ZNF568: variants seen among roughly 807,000 people sequenced by gnomAD.
ZNF568 encodes p53 inhibitor of SCO2 activation.
Under a neutral mutation model 18.1 loss-of-function variants are expected in ZNF568, and 11 were observed. The ratio of observed to expected loss-of-function variants is 0.61; its 90% CI spans 0.38 to 1.00. The LOEUF (loss-of-function observed/expected upper bound fraction) is 1.00, where lower values mean the gene tolerates loss of function less well. Ranked by LOEUF, ZNF568 falls within the 50% of genes least tolerant of loss-of-function variation. The pLI, the probability that ZNF568 is intolerant of heterozygous loss-of-function variation, is 0.01. For synonymous variants in ZNF568, 213 were observed against 246.6 expected, an observed-to-expected ratio of 0.86 and a Z score of 1.28; for missense variants, 639 against 768.2, an observed-to-expected ratio of 0.83 and a Z score of 1.99.
intron 6 of ZNF568, among the ~76,000 whole-genome samples, chr19:36,972,734 C>T (rs1426398226): frequency 1.3e-5 from 2 of 152,228 alleles, no homozygotes; most frequent in East Asian, 3.9e-4. Context: ...GCGCGGCTCC[C>T]TGTGGAGGGT....
exon 5 of ZNF568, chr19:36,997,028 C>T (rs763228077): frequency 5.8e-6 from 9 of 1,561,778 alleles, no homozygotes; most frequent in African/African-American, 1.4e-5. Flanking sequence ...AGAATCCATA[C>T]GGGTGAGAAA....
chr19:36,935,659 A>G (rs1381124567), intron 4 of ZNF568, among the ~76,000 whole-genome samples: 2 of 151,892 alleles, frequency 1.3e-5, no homozygotes, highest in African/African-American at 4.8e-5. Context: ...AGGTATTTTA[A>G]GACTGTTAGA....
downstream of ZNF568, chr19:36,997,709 G>A (rs1332933539): frequency 1.2e-6 from 1 of 838,606 alleles, no homozygotes; most frequent in Non-Finnish European, 1.9e-6. Flanking sequence ...TCAGGACAGA[G>A]GAGTGAATGA....
chr19:36,997,473 G>C (rs971606843), downstream of ZNF568: 4 of 1,587,870 alleles, frequency 2.5e-6, no homozygotes, highest in East Asian at 6.8e-5. Flanking sequence ...ATAAGTGTAA[G>C]GAATGTGGGA....
rs1245531553 is a variant in ZNF568 at position 36,925,271 on chromosome 19, C to T, written c.135+13C>T. On this transcript the variant is annotated intron_variant, in intron 4 of 6. Coordinates refer to ENST00000333987, the MANE Select transcript of ZNF568 (RefSeq NM_198539.4). ...AACCAGGCCTCTTGTACGTCTTAAGCATTTATTTGTTTCCTGCATTATTTT... is the reference window on the plus strand; with the variant it reads ...AACCAGGCCTCTTGTACGTCTTAAGTATTTATTTGTTTCCTGCATTATTTT... 1 of 1,612,626 alleles carries T rather than the reference C, an allele frequency of 6.2e-7. No homozygotes were observed. The highest frequency in any genetic ancestry group is 1.1e-5 in the South Asian group (1 of 90,974).
intron 6 of ZNF568, among the ~76,000 whole-genome samples, chr19:36,965,424 C>T (rs934056895): frequency 6.6e-6 from 1 of 152,094 alleles, no homozygotes; most frequent in Admixed American, 6.5e-5. Flanking sequence ...AGTCTTTTCC[C>T]TTGATTTTTG....
At chr19:36,985,870 T>C (rs959231403) in intron 2 of ZNF568, among the ~76,000 whole-genome samples, 5 of 152,150 alleles carry the variant, frequency 3.3e-5, no homozygotes, top group Non-Finnish European at 7.3e-5. Context: ...TCACATAATA[T>C]ATAGTTAACC....
chr19:36,980,627 T>C (rs1387567591), downstream of ZNF568, among the ~76,000 whole-genome samples: 1 of 152,200 alleles, frequency 6.6e-6, no homozygotes, highest in African/African-American at 2.4e-5. Context: ...AAAGCTGTTA[T>C]ATTCACAGTC....
chr19:36,922,114 C>G (rs2073466532), intron 2 of ZNF568, among the ~76,000 whole-genome samples: 1 of 152,188 alleles, frequency 6.6e-6, no homozygotes, highest in South Asian at 2.1e-4. Flanking sequence ...TAAACATTAT[C>G]TCACAATTTC....
chr19:36,929,593 G>A (rs1239661324), intron 4 of ZNF568, among the ~76,000 whole-genome samples: 2 of 151,632 alleles, frequency 1.3e-5, no homozygotes, highest in African/African-American at 4.8e-5. Context: ...GCTGAGGCAG[G>A]AGAATCACTT....
chr19:36,996,957 C>T, exon 5 of ZNF568: 1 of 1,539,204 alleles, frequency 6.5e-7, no homozygotes, highest in East Asian at 2.4e-5. Context: ...ATGAGAAATA[C>T]TATGAAAGTA....
chr19:36,987,498 C>T (rs993639665), intron 2 of ZNF568, among the ~76,000 whole-genome samples: 6 of 152,172 alleles, frequency 3.9e-5, no homozygotes, highest in Non-Finnish European at 7.4e-5. Flanking sequence ...CTCTATTAGG[C>T]TTGAGGGAGG....
chr19:36,972,940 C>A (rs1250885200), intron 6 of ZNF568, among the ~76,000 whole-genome samples: 1 of 152,248 alleles, frequency 6.6e-6, no homozygotes, highest in Non-Finnish European at 1.5e-5. Context: ...CTGAAGCCTC[C>A]ACGGCCCCAC....
At chr19:36,974,103 C>T (rs959967291) in intron 6 of ZNF568, among the ~76,000 whole-genome samples, 1 of 152,120 alleles carries the variant, frequency 6.6e-6, no homozygotes, top group African/African-American at 2.4e-5. Context: ...AGTTTGAGAC[C>T]CTGACAGGTG....
In ZNF568 at chr19:36,950,014, C is replaced by A. The variant is rs1193562700; in HGVS notation, c.861C>A (p.Phe287Leu). Residue 287 changes from phenylalanine (F) to leucine (L), a missense_variant, in exon 7 of 7, where the codon TTC (phenylalanine) becomes TTA (leucine). Transcript: ENST00000333987. ...PYKCNECGKA[F>L]IQMSNLIRHH... ...AGTGTAATGAATGTGGAAAAGCTTT[C>A]ATTCAGATGTCAAACCTTATTAGAC... The A allele has an allele frequency of 6.2e-7, 1 of 1,613,840 alleles. No homozygotes were observed. Among genetic ancestry groups the A allele is most frequent in the Admixed American group, 1.7e-5 (1 of 60,010 alleles).
rs1279210878 is a variant in ZNF568 at position 36,949,847 on chromosome 19, A to G, written c.694A>G (p.Ser232Gly). The stretch of plus-strand genomic sequence containing the variant: ...GTGTAATCAGTGTGGACAAGACTTC[A>G]GTCATAAATTTGACCTCATTAGACA... The part of the protein sequence containing the change: ...FKCNQCGQDF[S>G]HKFDLIRHER... Residue 232 changes from serine (S) to glycine (G), a missense_variant, in exon 7 of 7, where the codon AGT becomes GGT. By Grantham distance (56) the Ser-to-Gly change is moderately conservative. Transcript: ENST00000333987. 1 of 1,614,064 alleles carries G rather than the reference A, an allele frequency of 6.2e-7. No homozygotes were observed. Among genetic ancestry groups the G allele is most frequent in the African/African-American group, 1.3e-5 (1 of 75,064 alleles).
At chr19:36,992,138 G>A (rs1303363864) in intron 4 of ZNF568, among the ~76,000 whole-genome samples, 3 of 151,532 alleles carry the variant, frequency 2.0e-5, no homozygotes, top group African/African-American at 7.3e-5. Context: ...ACCTACTCAG[G>A]AGGCTGAGGC....
At chr19:36,931,786 G>A (rs1166802782) in intron 4 of ZNF568, 6 of 152,148 alleles carry the variant, frequency 3.9e-5, no homozygotes, top group African/African-American at 1.4e-4. Context: ...ACAAGTGAGT[G>A]GTTTTTAGTG....
chr19:36,963,691 G>A (rs769132583), intron 6 of ZNF568, among the ~76,000 whole-genome samples: 3 of 152,040 alleles, frequency 2.0e-5, no homozygotes, highest in East Asian at 1.9e-4. Flanking sequence ...CAAGTTGGCC[G>A]GGCACAGTGG....
Sources: gnomAD v4.1 joint callset for allele counts (sites outside exome capture counted in the v4.1 genomes callset) on GRCh38, gnomAD v4.1.1 for gene constraint, MANE v1.5 for transcripts, NCBI Gene and HGNC (gene_info 2026-07-23, HGNC 2026-07-21) for gene names.